KLF12: variants seen among roughly 807,000 people sequenced by gnomAD.
KLF12 encodes the protein Krueppel-like factor 12.
In KLF12, 9 loss-of-function variants were observed where a neutral mutation model predicts 37.8. That is an observed-to-expected ratio of 0.24 (90% CI 0.14 to 0.42). The LOEUF (loss-of-function observed/expected upper bound fraction) is 0.42, where lower values mean the gene tolerates loss of function less well. KLF12 is among the 10% of genes least tolerant of loss of function. KLF12 has a pLI of 1.00. For synonymous variants in KLF12, 208 were observed against 202.1 expected (o/e 1.03, Z -0.25); for missense variants, 411 against 516.0 (o/e 0.80, Z 1.97).
At chr13:74,069,242 T>C (rs533008115) in intron 1 of KLF12, among the ~76,000 whole-genome samples, 25 of 152,280 alleles carry the variant, frequency 1.6e-4, no homozygotes, top group African/African-American at 5.5e-4. Flanking sequence ...TGAAGCTCTA[T>C]ATATGGAGGG....
At chr13:74,226,268 A>C in the KLF12 span, among the ~76,000 whole-genome samples, 11 of 152,184 alleles carry the variant, frequency 7.2e-5, no homozygotes, top group African/African-American at 2.7e-4. Flanking sequence ...GACAATTCCA[A>C]GAGAAGTTTC....
At chr13:73,942,407 CA>C (rs1458444299) in intron 3 of KLF12, among the ~76,000 whole-genome samples, 1 of 151,930 alleles carries the variant, frequency 6.6e-6, no homozygotes, top group East Asian at 1.9e-4. Context: ...ATGAGCTGAG[CA>C]GAAGTTTATT....
chr13:74,219,497 C>T, the KLF12 span, among the ~76,000 whole-genome samples: 1 of 152,044 alleles, frequency 6.6e-6, no homozygotes, highest in Non-Finnish European at 1.5e-5. Context: ...ATTCATATAC[C>T]TTGTATGTAC....
At chr13:73,858,161 A>G (rs1186514216) in intron 3 of KLF12, among the ~76,000 whole-genome samples, 2 of 152,168 alleles carry the variant, frequency 1.3e-5, no homozygotes, top group Non-Finnish European at 2.9e-5. Context: ...ATTTTTAGAA[A>G]GAAAAGTATT....
chr13:74,207,114 A>G, the KLF12 span, among the ~76,000 whole-genome samples: 1 of 152,190 alleles, frequency 6.6e-6, no homozygotes, highest in Non-Finnish European at 1.5e-5. Context: ...TTGAGAGAGT[A>G]CAAGAAGAGG....
At chr13:74,004,734 G>A (rs951826562) in intron 1 of KLF12, among the ~76,000 whole-genome samples, 4 of 152,042 alleles carry the variant, frequency 2.6e-5, no homozygotes, top group Admixed American at 2.6e-4. Context: ...ATTTGAAATC[G>A]TGCCCAATAT....
intron 1 of KLF12, among the ~76,000 whole-genome samples, chr13:74,130,769 T>G (rs1489595552): frequency 1.3e-5 from 2 of 152,298 alleles, no homozygotes; most frequent in East Asian, 1.9e-4. Context: ...GCAGAAAAAC[T>G]TATAAACAAA....
At chr13:74,183,103 A>G in the KLF12 span, among the ~76,000 whole-genome samples, 7 of 152,206 alleles carry the variant, frequency 4.6e-5, no homozygotes, top group Non-Finnish European at 7.3e-5. Context: ...TGCCTACCAT[A>G]GCCATATTTC....
In KLF12 at chr13:74,018,516, G is replaced by A. The variant is rs544674756; in HGVS notation, c.-31-23463C>T. Among the ~76,000 whole-genome samples the A allele has an allele frequency of 2.5e-3, 377 of 152,046 alleles. 4 individuals carry two copies. The highest frequency in any genetic ancestry group is 7.9e-3 in the African/African-American group (329 of 41,466). On this transcript the variant is annotated intron_variant, in intron 1 of 7. Transcript: ENST00000377669. Reference sequence around the variant, plus strand: ...AATTAGCTAGATTTAACCATTCTACGGTGTATATGTACTTCAAAACATCAT... The same window carrying A: ...AATTAGCTAGATTTAACCATTCTACAGTGTATATGTACTTCAAAACATCAT...
chr13:73,695,693 A>G (rs1423317765), intron 7 of KLF12, 22 bp from the exon 8 acceptor site: 2 of 1,609,338 alleles, frequency 1.2e-6, no homozygotes, highest in Admixed American at 3.3e-5. Context: ...AAAGGAACAC[A>G]AGCTTTGGTG....
At chr13:74,001,509 CT>C (rs1393605125) in intron 1 of KLF12, among the ~76,000 whole-genome samples, 1 of 152,164 alleles carries the variant, frequency 6.6e-6, no homozygotes, top group Non-Finnish European at 1.5e-5. Context: ...GTTTTAGATA[CT>C]AGAGATCTAT....
rs565533949 is a variant in KLF12, at chr13:73,812,389, A to C, written c.806+763T>G. Among the ~76,000 whole-genome samples the C allele has an allele frequency of 5.4e-5, 8 of 148,218 alleles. No individual in the cohort carries two copies. The East Asian group carries it at 1.5e-3, about 29-fold the overall frequency. On this transcript the variant is annotated intron_variant, in intron 5 of 7. Coordinates refer to ENST00000377669, the MANE Select transcript of KLF12 (RefSeq NM_007249.5). ...GTGTAGAACTTATGCATTCTCACAA[A>C]AAAAAAAACTATGTAAGGTGAGGAA...
intron 1 of KLF12, among the ~76,000 whole-genome samples, chr13:74,065,195 G>C (rs1181572772): frequency 8.5e-6 from 1 of 117,980 alleles, no homozygotes; most frequent in African/African-American, 3.0e-5. Flanking sequence ...CTCTGTATCT[G>C]ATTCTTACAC....
chr13:73,723,635 T>A (rs1263296079), intron 6 of KLF12, among the ~76,000 whole-genome samples: 1 of 152,200 alleles, frequency 6.6e-6, no homozygotes, highest in Non-Finnish European at 1.5e-5. Context: ...CACTTTATCT[T>A]ATCCATGTGG....
At chr13:73,763,307 A>T (rs1252128476) in intron 6 of KLF12, among the ~76,000 whole-genome samples, 1 of 152,212 alleles carries the variant, frequency 6.6e-6, no homozygotes, top group Non-Finnish European at 1.5e-5. Context: ...GTGACATCAC[A>T]CACACATACA....
intron 3 of KLF12, among the ~76,000 whole-genome samples, chr13:73,927,085 A>G (rs1466579948): frequency 6.6e-6 from 1 of 152,238 alleles, no homozygotes; most frequent in Non-Finnish European, 1.5e-5. Flanking sequence ...AATATAACAC[A>G]GCTTTTATGT....
intron 1 of KLF12, among the ~76,000 whole-genome samples, chr13:74,061,619 C>T (rs1388144588): frequency 6.6e-6 from 1 of 152,142 alleles, no homozygotes; most frequent in South Asian, 2.1e-4. Context: ...GTCCCAAGTT[C>T]TAGCAAATAA....
intron 2 of KLF12, among the ~76,000 whole-genome samples, chr13:73,994,519 T>TA (rs1892054878): frequency 6.6e-6 from 1 of 151,478 alleles, no homozygotes; most frequent in Admixed American, 6.6e-5. Context: ...AACCAAATAT[T>TA]AAAGTTTTCC....
chr13:73,851,691 T>C (rs1885343605), intron 3 of KLF12, among the ~76,000 whole-genome samples: 1 of 152,338 alleles, frequency 6.6e-6, no homozygotes, highest in South Asian at 2.1e-4. Flanking sequence ...TGTGTCTTGG[T>C]AGAAAATTAG....
Sources: gnomAD v4.1 joint callset for allele counts (sites outside exome capture counted in the v4.1 genomes callset) on GRCh38, gnomAD v4.1.1 for gene constraint, MANE v1.5 for transcripts, NCBI Gene and HGNC (gene_info 2026-07-23, HGNC 2026-07-21) for gene names.